The following WDFY3 variants were observed in gnomAD, a reference collection of about 807,000 sequenced individuals.
WDFY3 encodes WD repeat and FYVE domain containing 3.
A neutral mutation model predicts 409.6 loss-of-function variants in WDFY3; 66 were observed. The ratio of observed to expected loss-of-function variants is 0.16; its 90% CI spans 0.13 to 0.20. The LOEUF is 0.20. Among genes scored for constraint, WDFY3 ranks in the 10% least tolerant of loss-of-function variants. The pLI, the probability that WDFY3 is intolerant of heterozygous loss-of-function variation, is 1.00. For synonymous variants in WDFY3, 1,521 were observed against 1,537.1 expected, an observed-to-expected ratio of 0.99 and a Z score of 0.25; for missense variants, 3,031 against 4,298.1, an observed-to-expected ratio of 0.71 and a Z score of 8.24.
At chr4:84,892,426 T>C (rs897511605) in intron 3 of WDFY3, among the ~76,000 whole-genome samples, 4 of 152,100 alleles carry the variant, frequency 2.6e-5, no homozygotes, top group Admixed American at 1.3e-4. Context: ...TTAAAGGTTT[T>C]AAAATACTTT....
intron 2 of WDFY3, among the ~76,000 whole-genome samples, chr4:84,905,639 G>C (rs2150679839): frequency 6.6e-6 from 1 of 152,308 alleles, no homozygotes; most frequent in African/African-American, 2.4e-5. Context: ...TTGGGGGCTA[G>C]AGGACAGGTA....
intron 1 of WDFY3, among the ~76,000 whole-genome samples, chr4:84,945,062 T>C (rs1772638332): frequency 6.6e-6 from 1 of 152,150 alleles, no homozygotes; most frequent in African/African-American, 2.4e-5. Context: ...TCCTGTCCCA[T>C]GTGTATGTTC....
chr4:84,673,077 C>G (rs1020096461), intron 67 of WDFY3, 86 bp from the exon 68 acceptor site: 6 of 1,572,192 alleles, frequency 3.8e-6, no homozygotes, highest in Admixed American at 1.8e-5. Flanking sequence ...GAATGGAAAG[C>G]TTGCAGTAAA....
At chr4:84,816,680 G>C (rs1035121389) in intron 13 of WDFY3, among the ~76,000 whole-genome samples, 1 of 151,978 alleles carries the variant, frequency 6.6e-6, no homozygotes, top group African/African-American at 2.4e-5. Flanking sequence ...TGAAACATTC[G>C]ATTATAGTTT....
intron 6 of WDFY3, among the ~76,000 whole-genome samples, chr4:84,840,534 C>T (rs1757182233): frequency 6.6e-6 from 1 of 152,056 alleles, no homozygotes; most frequent in African/African-American, 2.4e-5. Context: ...TTGCCACCAG[C>T]CAGAAATAGT....
In WDFY3 at chr4:84,679,038, T is replaced by C. The variant is rs1726858059; in HGVS notation, c.10028A>G (p.Lys3343Arg). ...RWSDQLSLDE[K>R]DGFIFVNYSE... ...ATAGTTCACAAATATGAAGCCGTCT[T>C]TCTCATCTAGACTGAGCTGGTCGGA... The change falls in exon 65 of 68, where the codon AAA becomes AGA. Residue 3343 changes from lysine (K) to arginine (R), a missense_variant. Transcript: ENST00000295888. 6.2e-7 allele frequency: 1 copy of C among 1,614,214 alleles called. No individual in the cohort carries two copies. The highest frequency in any genetic ancestry group is 8.5e-7 in the Non-Finnish European group (1 of 1,180,040).
intron 2 of WDFY3, among the ~76,000 whole-genome samples, chr4:84,907,093 A>C (rs74682726): frequency 6.6e-6 from 1 of 152,314 alleles, no homozygotes; most frequent in East Asian, 1.9e-4. Context: ...CCATTTGGAC[A>C]AAAGTATTTT....
chr4:84,878,331 G>A (rs988552770), intron 3 of WDFY3, among the ~76,000 whole-genome samples: 2 of 152,134 alleles, frequency 1.3e-5, no homozygotes, highest in African/African-American at 4.8e-5. Flanking sequence ...ACTGAATGAG[G>A]CTGGAATGTA....
At chr4:84,857,774 T>C (rs2150175380) in intron 4 of WDFY3, among the ~76,000 whole-genome samples, 1 of 152,306 alleles carries the variant, frequency 6.6e-6, no homozygotes, top group South Asian at 2.1e-4. Context: ...TCCTATTATT[T>C]CATAAGTAAG....
intron 1 of WDFY3, among the ~76,000 whole-genome samples, chr4:84,958,901 C>G (rs1774567082): frequency 6.6e-6 from 1 of 152,140 alleles, no homozygotes; most frequent in Non-Finnish European, 1.5e-5. Flanking sequence ...TACAGAGAGG[C>G]CTTCTGATTC....
chr4:84,750,469 C>CA lies in WDFY3; in HGVS notation c.5973+1013dup, dbSNP rs936425611. The stretch of plus-strand genomic sequence containing the variant: ...ACTGTACTAGCCACTAGAGGGAGCA[C>CA]AAAAAAAAAAAATCTCAGGTTCAGC... On this transcript the variant is annotated intron_variant, in intron 36 of 67. Coordinates refer to ENST00000295888, the MANE Select transcript of WDFY3 (RefSeq NM_014991.6). Among the ~76,000 whole-genome samples, 447 of 139,362 alleles carry CA rather than the reference C, an allele frequency of 3.2e-3. 2 individuals carry two copies. Among genetic ancestry groups the CA allele is most frequent in the Middle Eastern group, 0.022 (6 of 270 alleles). The allele number at this position is 139,362 out of a possible 152,430, so 91.4% of individuals were successfully genotyped here.
intron 62 of WDFY3, among the ~76,000 whole-genome samples, chr4:84,687,486 T>TA (rs1380589324): frequency 6.6e-6 from 1 of 152,118 alleles, no homozygotes; most frequent in Non-Finnish European, 1.5e-5. Context: ...TCCTGTTTTT[T>TA]AAAAAAACAT....
At chr4:84,875,621 G>A (rs2150352042) in intron 3 of WDFY3, among the ~76,000 whole-genome samples, 2 of 152,178 alleles carry the variant, frequency 1.3e-5, no homozygotes, top group South Asian at 2.1e-4. Context: ...AGAATAACAC[G>A]TAGCTTAAAA....
intron 44 of WDFY3, among the ~76,000 whole-genome samples, chr4:84,727,642 C>T (rs891907136): frequency 6.6e-5 from 10 of 152,202 alleles, no homozygotes; most frequent in Non-Finnish European, 1.0e-4. Flanking sequence ...TGTAAGCACA[C>T]AGGTAGCTAC....
At chr4:84,928,123 A>G (rs553283973) in intron 2 of WDFY3, among the ~76,000 whole-genome samples, 1 of 152,212 alleles carries the variant, frequency 6.6e-6, no homozygotes, top group Non-Finnish European at 1.5e-5. Flanking sequence ...AGATGGAACA[A>G]AAAAGCAGAA....
At chr4:84,830,872 G>A (rs1267774554) in intron 8 of WDFY3, among the ~76,000 whole-genome samples, 1 of 152,128 alleles carries the variant, frequency 6.6e-6, no homozygotes, top group East Asian at 1.9e-4. Context: ...ACACAACAAT[G>A]AAATTTTTTT....
intron 30 of WDFY3, among the ~76,000 whole-genome samples, chr4:84,767,123 T>C (rs1743791395): frequency 6.6e-6 from 1 of 152,206 alleles, no homozygotes; most frequent in Non-Finnish European, 1.5e-5. Context: ...TTTTTTTTTT[T>C]CAAAAGCATG....
intron 1 of WDFY3, among the ~76,000 whole-genome samples, chr4:84,959,245 A>G (rs1431872991): frequency 4.6e-5 from 7 of 152,070 alleles, no homozygotes. Flanking sequence ...CTGCAACCCC[A>G]TGTTTTAGCG....
chr4:84,894,947 CAA>C (rs70943381), intron 3 of WDFY3, among the ~76,000 whole-genome samples: 7 of 98,832 alleles, frequency 7.1e-5, no homozygotes, highest in African/African-American at 8.2e-5. Flanking sequence ...GAGACTGTCT[CAA>C]AAAAAAAAAA....
Sources: gnomAD v4.1 joint callset for allele counts (sites outside exome capture counted in the v4.1 genomes callset) on GRCh38, gnomAD v4.1.1 for gene constraint, MANE v1.5 for transcripts, NCBI Gene and HGNC (gene_info 2026-07-23, HGNC 2026-07-21) for gene names.